Variants in CEP295NL observed in about 807,000 individuals in gnomAD.
CEP295NL encodes the protein CEP295 N-terminal like.
Under a neutral mutation model 4.6 loss-of-function variants are expected in CEP295NL, and 3 were observed. The ratio of observed to expected loss-of-function variants is 0.65; its 90% CI spans 0.30 to 1.69. The LOEUF is 1.69. Ranked by LOEUF, CEP295NL falls within the 40% of genes most tolerant of loss-of-function variation. CEP295NL has a pLI of 0.10. For missense variants in CEP295NL, 719 were observed against 769.0 expected (o/e 0.93, Z 0.77); for synonymous variants, 295 against 312.2 (o/e 0.94, Z 0.58).
At chr17:78,894,459 G>A (rs1479918041) in intron 2 of CEP295NL, among the ~76,000 whole-genome samples, 1 of 152,080 alleles carries the variant, frequency 6.6e-6, no homozygotes, top group Admixed American at 6.6e-5. Context: ...CCACCATGAT[G>A]ATCAAGAGAG....
intron 2 of CEP295NL, chr17:78,897,040 TCACCCAGGGACCCTC>T: frequency 2.0e-6 from 2 of 977,536 alleles, no homozygotes; most frequent in Middle Eastern, 1.1e-3. Flanking sequence ...AAGGCAGACC[TCACCCAGGGACCCTC>T]CACCCAGGCA....
At position 78,892,340 on chromosome 17, in the gene CEP295NL, C is replaced by T. The variant is rs2069914014; in HGVS notation, c.164G>A (p.Arg55Lys). ...WEAVSAGFAD[R>K]NRNMDGAMWL... ...CATGGCTCCATCCATGTTTCTGTTC[C>T]TGTCTGCGAACCCAGCAGATACAGC... Residue 55 changes from arginine to lysine, a missense_variant, in exon 3 of 3, where the codon AGG (arginine) becomes AAG (lysine). Physicochemically the swap from Arg to Lys is conservative, Grantham distance 26. Transcript: ENST00000322630. 1 of 1,550,546 alleles carries T rather than the reference C, an allele frequency of 6.4e-7. No individual in the cohort carries two copies. Among genetic ancestry groups the T allele is most frequent in the Admixed American group, 2.0e-5 (1 of 50,992 alleles).
rs1458086346 is a variant in CEP295NL, at chr17:78,892,197, T to C, written c.307A>G (p.Lys103Glu). Reference protein sequence around the residue: ...LQRRADAKLWKNYQLQRLAEE... With the variant: ...LQRRADAKLWENYQLQRLAEE... The stretch of plus-strand genomic sequence containing the variant: ...GCCAAGCGCTGGAGCTGGTAGTTTT[T>C]CCACAGCTTGGCATCCGCTCTTCTC... Residue 103 changes from lysine (K) to glutamate (E), a missense_variant, in exon 3 of 3, where the codon AAA becomes GAA. By Grantham distance (56) the Lys-to-Glu change is moderately conservative. Transcript: ENST00000322630. 8 of 1,550,938 alleles carry C rather than the reference T, an allele frequency of 5.2e-6. No individual in the cohort carries two copies. Among genetic ancestry groups the C allele is most frequent in the Non-Finnish European group, 6.1e-6 (7 of 1,147,118 alleles).
rs549986866 is a variant in CEP295NL at position 78,893,283 on chromosome 17, G to A, written c.45-824C>T. On this transcript the variant is annotated intron_variant, in intron 2 of 2. Transcript: ENST00000322630. Reference sequence around the variant, plus strand: ...CAGGGGTGTGTGTGTAGGGGTGTGCGGGCAAGGGTGTGTGTGCAGGGGTGT... The same window carrying A: ...CAGGGGTGTGTGTGTAGGGGTGTGCAGGCAAGGGTGTGTGTGCAGGGGTGT... Among the ~76,000 whole-genome samples, 117 of 144,414 alleles carry A rather than the reference G, an allele frequency of 8.1e-4. 1 individual carries two copies. The highest frequency in any genetic ancestry group is 2.9e-3 in the African/African-American group (106 of 36,388). The allele number at this position is 144,414 out of a possible 152,430, so 94.7% of individuals were successfully genotyped here.
In CEP295NL at chr17:78,892,427, G is replaced by A. The variant is rs1568000581; in HGVS notation, c.77C>T (p.Ser26Phe). 1.3e-6 allele frequency: 2 copies of A among 1,550,126 alleles called. No homozygotes were observed. Among genetic ancestry groups the A allele is most frequent in the African/African-American group, 1.4e-5 (1 of 73,162 alleles). The change falls in exon 3 of 3, where the codon TCC (serine) becomes TTC (phenylalanine). Residue 26 changes from serine to phenylalanine, a missense_variant. By Grantham distance (155) the Ser-to-Phe change is radical (BLOSUM62 -2). Transcript: ENST00000322630. ...FAVERCGFCG[S>F]SGPGAPLEPS... ...TTCAAGGGGCGCCCCCGGGCCTGAG[G>A]AGCCACAGAAGCCACAACGTTCCAC... is the stretch of plus-strand genomic sequence containing the variant.
In CEP295NL at chr17:78,890,927, G is replaced by C; in HGVS notation, c.1577C>G (p.Pro526Arg). 5.8e-6 allele frequency: 9 copies of C among 1,550,822 alleles called. No homozygotes were observed. Among genetic ancestry groups the C allele is most frequent in the Non-Finnish European group, 7.8e-6 (9 of 1,147,054 alleles). ...GTAGTGGATTTCCAAGCTCATATCT[G>C]GGTGTTCCATTTGTTCAAGCGATTC... is the stretch of plus-strand genomic sequence containing the variant. ...QLESLEQMEH[P>R]DMSLEIHYKA... Residue 526 changes from proline to arginine, a missense_variant, in exon 3 of 3, where the codon CCA becomes CGA. By Grantham distance (103) the Pro-to-Arg change is moderately radical. Coordinates refer to ENST00000322630, the MANE Select transcript of CEP295NL (RefSeq NM_001243540.2).
chr17:78,891,433 T>A lies in CEP295NL; in HGVS notation c.1071A>T (p.Lys357Asn). The A allele has an allele frequency of 1.3e-6, 2 of 1,550,864 alleles. No homozygotes were observed. Among genetic ancestry groups the A allele is most frequent in the Non-Finnish European group, 1.7e-6 (2 of 1,147,050 alleles). The change falls in exon 3 of 3, where the codon AAA becomes AAT. Residue 357 changes from lysine (K) to asparagine (N), a missense_variant. Physicochemically the swap from Lys to Asn is moderately conservative, Grantham distance 94. Transcript: ENST00000322630. The surrounding 1 kb of genome is among the most constrained non-coding windows in gnomAD (Gnocchi z 4.5). Reference sequence around the variant, plus strand: ...TCAGTGCCAGGTACAAGCACAGGTGTTTTTTCAGCTTTCTGTTTATATTAA... The same window carrying A: ...TCAGTGCCAGGTACAAGCACAGGTGATTTTTCAGCTTTCTGTTTATATTAA... ...ELFNINRKLK[K>N]HLCLYLALKP...
intron 2 of CEP295NL, among the ~76,000 whole-genome samples, chr17:78,893,048 G>A (rs916802738): frequency 1.3e-5 from 2 of 152,206 alleles, no homozygotes; most frequent in Non-Finnish European, 2.9e-5. Context: ...GGAGGAGCCT[G>A]CCAAGCATGT....
At chr17:78,902,702 G>T (rs767533241) in intron 1 of CEP295NL, 6 of 152,262 alleles carry the variant, frequency 3.9e-5, no homozygotes, top group Non-Finnish European at 7.3e-5. Flanking sequence ...AGCTCCCCAC[G>T]TGGGGGGCTT....
rs1446020741 is a variant in CEP295NL at position 78,896,226 on chromosome 17, A to T, written c.45-3767T>A. On this transcript the variant is annotated intron_variant, in intron 2 of 2. Transcript: ENST00000322630. The surrounding 1 kb of genome is among the most constrained non-coding windows in gnomAD (Gnocchi z 4.4). The stretch of plus-strand genomic sequence containing the variant: ...AACTTGAGGCAGAGGGCAGGGTCTC[A>T]CGTGGACTTGTGCAGGCACTGGCAG... 6.6e-6 allele frequency among the ~76,000 whole-genome samples: 1 copy of T among 152,220 alleles called. No individual in the cohort carries two copies. Among genetic ancestry groups the T allele is most frequent in the Non-Finnish European group, 1.5e-5 (1 of 68,046 alleles).
At chr17:78,899,558 G>A (rs2070057401) in intron 2 of CEP295NL, 2 of 152,278 alleles carry the variant, frequency 1.3e-5, no homozygotes, top group African/African-American at 4.8e-5. Flanking sequence ...CCCTGCCAAA[G>A]CCTGGCAATC....
In CEP295NL at chr17:78,892,184, A is replaced by G. The variant is rs1334584639; in HGVS notation, c.320T>C (p.Leu107Pro). 1 of 1,550,934 alleles carries G rather than the reference A, an allele frequency of 6.4e-7. No homozygotes were observed. The highest frequency in any genetic ancestry group is 8.7e-7 in the Non-Finnish European group (1 of 1,147,086). Residue 107 changes from leucine (L) to proline (P), a missense_variant, in exon 3 of 3, where the codon CTC becomes CCC. Physicochemically the swap from Leu to Pro is moderately conservative, Grantham distance 98. Transcript: ENST00000322630. ...CCTCAACTCCTCAGCCAAGCGCTGG[A>G]GCTGGTAGTTTTTCCACAGCTTGGC... ...ADAKLWKNYQ[L>P]QRLAEELRRG...
chr17:78,893,132 G>A (rs2069929453), intron 2 of CEP295NL, among the ~76,000 whole-genome samples: 1 of 148,080 alleles, frequency 6.8e-6, no homozygotes, highest in Non-Finnish European at 1.5e-5. Flanking sequence ...TGTGTGCAGG[G>A]GTGTGTGTGC....
Position 78,896,276 on chromosome 17 carries a change from G to C in CEP295NL, c.45-3817C>G, listed in dbSNP as rs185315610. ...GGGAAAGCAACAGAGCCTTAGCTGA[G>C]CCCAAGATGACCAAGGAGAAACAGC... On this transcript the variant is annotated intron_variant, in intron 2 of 2. Coordinates refer to ENST00000322630, the MANE Select transcript of CEP295NL (RefSeq NM_001243540.2). This position sits in a 1 kb window ranked among gnomAD's most constrained non-coding sequence, Gnocchi z 4.4. Among the ~76,000 whole-genome samples, 973 of 152,332 alleles carry C rather than the reference G, an allele frequency of 6.4e-3. 8 individuals are homozygous for C. Among genetic ancestry groups the C allele is most frequent in the African/African-American group, 0.022 (907 of 41,574 alleles).
chr17:78,895,301 A>G (rs953133454), intron 2 of CEP295NL, among the ~76,000 whole-genome samples: 2 of 152,208 alleles, frequency 1.3e-5, no homozygotes, highest in African/African-American at 2.4e-5. Flanking sequence ...AAATAAAAAT[A>G]AAAATCAGCA....
chr17:78,895,964 C>T lies in CEP295NL; in HGVS notation c.45-3505G>A, dbSNP rs540647954. ...CAGCCCGTTCAATGACCTCAGTGCA[C>T]CCCGTGCCAGCCCCACTGGCGTGGG... is the stretch of plus-strand genomic sequence containing the variant. On this transcript the variant is annotated intron_variant, in intron 2 of 2. Transcript: ENST00000322630. Among the ~76,000 whole-genome samples, 7 of 152,366 alleles carry T rather than the reference C, an allele frequency of 4.6e-5. No homozygotes were observed. In the South Asian group the frequency reaches 1.4e-3, roughly 32 times the overall value.
At chr17:78,899,468 G>A (rs891408509) in intron 2 of CEP295NL, 2 of 152,286 alleles carry the variant, frequency 1.3e-5, no homozygotes, top group African/African-American at 4.8e-5. Context: ...TGAAGGGGTA[G>A]ATTCCTGGGC....
Position 78,891,997 on chromosome 17 carries a change from C to A in CEP295NL, c.507G>T (p.Lys169Asn). ...TCTCTTCACTAAGGGCTGCTCTATG[C>A]TTCTCCTTGGCCCTCGGGGGCCTGG... ...RSARPPRAKE[K>N]HRAALSEERS... Residue 169 changes from lysine (K) to asparagine (N), a missense_variant, in exon 3 of 3, where the codon AAG becomes AAT. Physicochemically the swap from Lys to Asn is moderately conservative, Grantham distance 94. Transcript: ENST00000322630. This position sits in a 1 kb window ranked among gnomAD's most constrained non-coding sequence, Gnocchi z 4.5. 1 of 1,550,734 alleles carries A rather than the reference C, an allele frequency of 6.4e-7. No individual in the cohort carries two copies. Among genetic ancestry groups the A allele is most frequent in the South Asian group, 1.2e-5 (1 of 84,060 alleles).
Position 78,891,818 on chromosome 17 carries a change from G to A in CEP295NL, c.686C>T (p.Pro229Leu). 6.4e-7 allele frequency: 1 copy of A among 1,550,928 alleles called. No individual in the cohort carries two copies. Among genetic ancestry groups the A allele is most frequent in the Non-Finnish European group, 8.7e-7 (1 of 1,147,060 alleles). Residue 229 changes from proline to leucine, a missense_variant, in exon 3 of 3, where the codon CCT (proline) becomes CTT (leucine). By Grantham distance (98) the Pro-to-Leu change is moderately conservative (BLOSUM62 -3). Coordinates refer to ENST00000322630, the MANE Select transcript of CEP295NL (RefSeq NM_001243540.2). The surrounding 1 kb of genome is among the most constrained non-coding windows in gnomAD (Gnocchi z 4.5). ...PPEKRKGRPE[P>L]STKSGGGRCA... Reference sequence around the variant, plus strand: ...GCGGCCACCCCCAGACTTGGTCGAAGGTTCTGGCCTTCCCTTTCTCTTCTC... The same window carrying A: ...GCGGCCACCCCCAGACTTGGTCGAAAGTTCTGGCCTTCCCTTTCTCTTCTC...
Sources: gnomAD v4.1 joint callset for allele counts (sites outside exome capture counted in the v4.1 genomes callset) on GRCh38, gnomAD v4.1.1 for gene constraint, Gnocchi (gnomAD v3.1) non-coding constraint, MANE v1.5 for transcripts, NCBI Gene and HGNC (gene_info 2026-07-23, HGNC 2026-07-21) for gene names.